FAAH2: variants seen among roughly 807,000 people sequenced by gnomAD.
The protein encoded by FAAH2 is fatty acid amide hydrolase 2.
In FAAH2, 60 loss-of-function variants were observed where a neutral mutation model predicts 36.9. The observed-to-expected ratio is 1.63, with a 90% CI of 1.32 to 2.02. The LOEUF (loss-of-function observed/expected upper bound fraction) is 2.02. FAAH2 is among the 30% of genes most tolerant of loss of function. The probability of loss-of-function intolerance (pLI) is 0.00; values close to 1 mark genes in which losing one functional copy is unlikely to be tolerated. For missense variants in FAAH2, 689 were observed against 397.5 expected (o/e 1.73, Z -6.23); for synonymous variants, 214 against 143.8 (o/e 1.49, Z -3.49).
At chrX:57,192,396 C>T in the FAAH2 span, among the ~76,000 whole-genome samples, 1 of 111,336 alleles carries the variant, frequency 9.0e-6, no homozygotes, top group African/African-American at 3.3e-5. Flanking sequence ...CATTTGAAAA[C>T]AAGAATAATT....
At chrX:57,343,066 A>G (rs2053728296) in intron 5 of FAAH2, among the ~76,000 whole-genome samples, 1 of 111,996 alleles carries the variant, frequency 8.9e-6, no homozygotes, top group African/African-American at 3.2e-5. Context: ...TGCTATTCTG[A>G]ATACTGCTGT....
intron 5 of FAAH2, among the ~76,000 whole-genome samples, chrX:57,357,754 C>T (rs1435854627): frequency 9.0e-6 from 1 of 111,568 alleles, no homozygotes; most frequent in East Asian, 2.8e-4. Flanking sequence ...TAAATTAGTT[C>T]AACCATTGTG....
In FAAH2 at chrX:57,343,521, C is replaced by T. The variant is rs974907949; in HGVS notation, c.742+2131C>T. 4.5e-5 allele frequency among the ~76,000 whole-genome samples: 5 copies of T among 111,281 alleles called. No homozygotes were observed. In the Admixed American group the frequency reaches 4.8e-4, roughly 11 times the overall value. ...TGCCTTATAGATTCTGGATATTAGACTTATGTTGGATGCATGGTTTCTGAA... is the reference window on the plus strand; with the variant it reads ...TGCCTTATAGATTCTGGATATTAGATTTATGTTGGATGCATGGTTTCTGAA... On this transcript the variant is annotated intron_variant, in intron 5 of 10. Coordinates refer to ENST00000374900, the MANE Select transcript of FAAH2 (RefSeq NM_174912.4).
the FAAH2 span, among the ~76,000 whole-genome samples, chrX:57,230,922 T>C: frequency 9.0e-6 from 1 of 111,350 alleles, no homozygotes; most frequent in African/African-American, 3.3e-5. Context: ...TCATAGTTTC[T>C]TGTTTTCTTG....
intron 2 of FAAH2, among the ~76,000 whole-genome samples, chrX:57,306,790 ATATATACACTT>A (rs1271242969): frequency 1.0e-5 from 1 of 95,263 alleles, no homozygotes; most frequent in African/African-American, 3.7e-5. Flanking sequence ...TATGTATACT[ATATATACACTT>A]TATATACACC....
chrX:57,431,319 G>C (rs1192063955), intron 7 of FAAH2, among the ~76,000 whole-genome samples: 1 of 111,629 alleles, frequency 9.0e-6, no homozygotes, highest in Non-Finnish European at 1.9e-5. Flanking sequence ...CTTCTTCTCA[G>C]AGCTTAAGTT....
At chrX:57,154,076 T>C in the FAAH2 span, among the ~76,000 whole-genome samples, 1 of 111,713 alleles carries the variant, frequency 9.0e-6, no homozygotes, top group African/African-American at 3.3e-5. Context: ...TCTTTGTCCT[T>C]GTTGGATTGA....
chrX:57,439,246 C>T (rs2147141204), intron 8 of FAAH2, among the ~76,000 whole-genome samples: 1 of 109,623 alleles, frequency 9.1e-6, no homozygotes, highest in South Asian at 4.0e-4. Context: ...TATTTCTCCA[C>T]ATCCTCTCCA....
At chrX:57,194,746 T>C in the FAAH2 span, among the ~76,000 whole-genome samples, 2 of 110,820 alleles carry the variant, frequency 1.8e-5, no homozygotes, top group African/African-American at 6.6e-5. Context: ...ACTCCCCCCC[T>C]TCCACTCAGT....
intron 7 of FAAH2, among the ~76,000 whole-genome samples, chrX:57,382,440 A>C (rs1280338708): frequency 8.9e-6 from 1 of 111,740 alleles, no homozygotes; most frequent in Non-Finnish European, 1.9e-5. Context: ...AAGACTAATA[A>C]AGAAGGAAAG....
the FAAH2 span, among the ~76,000 whole-genome samples, chrX:57,157,986 C>T: frequency 0.12 from 13,243 of 109,944 alleles, 1,961 homozygotes; most frequent in African/African-American, 0.41. Context: ...TCTCCTAATG[C>T]TATCCTTCCC....
chrX:57,386,450 T>G (rs1460611746), intron 7 of FAAH2, among the ~76,000 whole-genome samples: 7 of 111,655 alleles, frequency 6.3e-5, no homozygotes, highest in African/African-American at 2.3e-4. Context: ...GGTACTTTCC[T>G]GGCGAGCTGG....
At chrX:57,333,780 A>G (rs2053470176) in intron 4 of FAAH2, among the ~76,000 whole-genome samples, 1 of 111,742 alleles carries the variant, frequency 8.9e-6, no homozygotes, top group Non-Finnish European at 1.9e-5. Context: ...CTGTTGGATT[A>G]CAAATGCATA....
intron 8 of FAAH2, among the ~76,000 whole-genome samples, chrX:57,445,540 T>G (rs1261256910): frequency 1.8e-5 from 2 of 111,593 alleles, no homozygotes; most frequent in Non-Finnish European, 3.8e-5. Context: ...AGTCAGAAGT[T>G]TGGGAATCCT....
At chrX:57,252,311 G>A in the FAAH2 span, among the ~76,000 whole-genome samples, 2 of 112,656 alleles carry the variant, frequency 1.8e-5, no homozygotes, top group Admixed American at 1.9e-4. Context: ...TGGGGAGAGG[G>A]CATATCTGAA....
chrX:57,177,277 T>A, the FAAH2 span, among the ~76,000 whole-genome samples: 1 of 108,649 alleles, frequency 9.2e-6, no homozygotes, highest in Non-Finnish European at 1.9e-5. Context: ...CCAATCATCC[T>A]CTTGACTCAG....
the FAAH2 span, among the ~76,000 whole-genome samples, chrX:57,247,249 TAA>T: frequency 5.7e-4 from 64 of 111,512 alleles, no homozygotes; most frequent in Non-Finnish European, 5.8e-4. Context: ...GAAATAAGGA[TAA>T]GTTACATATT....
At chrX:57,393,275 A>G in intron 7 of FAAH2, 25 of 1,135,924 alleles carry the variant, frequency 2.2e-5, no homozygotes, top group Non-Finnish European at 2.8e-5. Context: ...GTTCTCCTCT[A>G]TGTAAGCCTT....
At chrX:57,295,235 G>C (rs1220893744) in intron 2 of FAAH2, among the ~76,000 whole-genome samples, 2 of 112,074 alleles carry the variant, frequency 1.8e-5, no homozygotes, top group Non-Finnish European at 3.8e-5. Flanking sequence ...GATGAGACTA[G>C]TTCTAGAGTG....
Sources: gnomAD v4.1 joint callset for allele counts (sites outside exome capture counted in the v4.1 genomes callset) on GRCh38, gnomAD v4.1.1 for gene constraint, MANE v1.5 for transcripts, NCBI Gene and HGNC (gene_info 2026-07-23, HGNC 2026-07-21) for gene names.